Variants in DCC observed in about 807,000 individuals in gnomAD.
DCC encodes the protein DCC netrin 1 receptor.
Under a neutral mutation model 172.5 loss-of-function variants are expected in DCC, and 58 were observed. That is an observed-to-expected ratio of 0.34 (90% CI 0.27 to 0.42). The LOEUF (loss-of-function observed/expected upper bound fraction) is 0.42. DCC is among the 10% of genes least tolerant of loss of function. DCC has a pLI of 1.00. For synonymous variants in DCC, 709 were observed against 644.5 expected (o/e 1.10, Z -1.52); for missense variants, 1,740 against 1,791.0 (o/e 0.97, Z 0.51).
chr18:53,161,345 C>G (rs948627631), intron 8 of DCC, among the ~76,000 whole-genome samples: 2 of 152,190 alleles, frequency 1.3e-5, no homozygotes, highest in Non-Finnish European at 2.9e-5. Context: ...TTCGGTGAAA[C>G]TCATTCACTC....
intron 1 of DCC, among the ~76,000 whole-genome samples, chr18:52,487,267 C>T (rs2030272211): frequency 6.6e-6 from 1 of 152,032 alleles, no homozygotes. Flanking sequence ...ACCTCATTAT[C>T]GTAAAACACA....
intron 15 of DCC, among the ~76,000 whole-genome samples, chr18:53,355,076 G>A (rs2057862585): frequency 6.6e-6 from 1 of 152,094 alleles, no homozygotes; most frequent in African/African-American, 2.4e-5. Flanking sequence ...TCTAAGATCA[G>A]ATGGTTGTAG....
chr18:53,030,767 C>T (rs1277785462), intron 5 of DCC, among the ~76,000 whole-genome samples: 1 of 152,162 alleles, frequency 6.6e-6, no homozygotes, highest in Non-Finnish European at 1.5e-5. Flanking sequence ...TGCATTCCCT[C>T]ACTTCACTGG....
chr18:53,391,999 T>C (rs1055790293), intron 17 of DCC, 112 bp downstream of exon 17: 6 of 708,362 alleles, frequency 8.5e-6, no homozygotes, highest in African/African-American at 7.0e-5. Context: ...TGTATCTATG[T>C]AGAAAAACAA....
At chr18:52,796,938 T>C (rs2037887441) in intron 2 of DCC, among the ~76,000 whole-genome samples, 1 of 152,164 alleles carries the variant, frequency 6.6e-6, no homozygotes, top group African/African-American at 2.4e-5. Context: ...CTTTGGGAAA[T>C]TCCAGAATTC....
chr18:52,487,624 A>G (rs1007468470), intron 1 of DCC, among the ~76,000 whole-genome samples: 2 of 152,024 alleles, frequency 1.3e-5, no homozygotes, highest in African/African-American at 2.4e-5. Context: ...TAGCCTGGCC[A>G]ACATGGTGAA....
At chr18:52,551,626 G>A (rs2032772188) in intron 1 of DCC, among the ~76,000 whole-genome samples, 2 of 151,774 alleles carry the variant, frequency 1.3e-5, no homozygotes, top group South Asian at 4.2e-4. Flanking sequence ...TTTACAAGCA[G>A]GCTTTGAATA....
chr18:52,965,753 A>G (rs1027078004), intron 5 of DCC, among the ~76,000 whole-genome samples: 2 of 152,164 alleles, frequency 1.3e-5, no homozygotes, highest in Non-Finnish European at 2.9e-5. Flanking sequence ...TAAGTAATTT[A>G]TATTTGTGGT....
At position 53,305,599 on chromosome 18, in the gene DCC, C is replaced by T. The variant is rs527722963; in HGVS notation, c.1933C>T (p.Pro645Ser). Reference protein sequence around the residue: ...NSRSIKVSWLPPPSGTQNGFI... With the variant: ...NSRSIKVSWLSPPSGTQNGFI... ...ACAGAGTATCAAAGTTAGCTGGCTG[C>T]CTCCTCCATCAGGAACACAAAATGG... The change falls in exon 13 of 29, where the codon CCT (proline) becomes TCT (serine). Residue 645 changes from proline (P) to serine (S), a missense_variant. Coordinates refer to ENST00000442544, the MANE Select transcript of DCC (RefSeq NM_005215.4). The T allele has an allele frequency of 9.7e-5, 157 of 1,612,732 alleles. 1 individual carries two copies. In the South Asian group the frequency reaches 1.6e-3, roughly 17 times the overall value.
intron 21 of DCC, among the ~76,000 whole-genome samples, chr18:53,417,524 A>G (rs1032172334): frequency 5.9e-5 from 9 of 152,344 alleles, no homozygotes; most frequent in African/African-American, 1.7e-4. Context: ...AGTCTTGGTC[A>G]AATCCAAATC....
chr18:53,377,352 TGAGAGAGAGAGAGA>T (rs59629030), intron 15 of DCC, among the ~76,000 whole-genome samples: 29 of 137,294 alleles, frequency 2.1e-4, no homozygotes, highest in East Asian at 6.9e-4. Flanking sequence ...AAGATGCATT[TGAGAGAGAGAGAGA>T]GAGAGAGAGA....
At chr18:52,561,125 C>T (rs997651123) in intron 1 of DCC, among the ~76,000 whole-genome samples, 3 of 151,608 alleles carry the variant, frequency 2.0e-5, no homozygotes, top group Non-Finnish European at 2.9e-5. Flanking sequence ...CTTTATTGCC[C>T]ATAAAAGTGA....
chr18:52,439,174 T>TG (rs1987893263), intron 1 of DCC, among the ~76,000 whole-genome samples: 2 of 144,852 alleles, frequency 1.4e-5, no homozygotes, highest in South Asian at 2.3e-4. Context: ...AAGATATGTT[T>TG]TGTGTGTGTG....
At chr18:53,516,003 G>A (rs2046329513) in intron 27 of DCC, among the ~76,000 whole-genome samples, 1 of 148,788 alleles carries the variant, frequency 6.7e-6, no homozygotes, top group Non-Finnish European at 1.5e-5. Context: ...TCAATCCTAA[G>A]CCAAAAGAAC....
intron 1 of DCC, among the ~76,000 whole-genome samples, chr18:52,610,382 C>CAAAAAAAAAAAA (rs55715009): frequency 7.2e-4 from 36 of 49,922 alleles, no homozygotes; most frequent in East Asian, 3.0e-3. Context: ...TCTGTCTCAA[C>CAAAAAAAAAAAA]AAAAAAAAAA....
At chr18:52,781,817 G>C (rs2037549673) in intron 2 of DCC, among the ~76,000 whole-genome samples, 1 of 151,754 alleles carries the variant, frequency 6.6e-6, no homozygotes, top group Non-Finnish European at 1.5e-5. Flanking sequence ...CTCATCAATT[G>C]GATGTTATAC....
At chr18:53,431,088 A>C (rs1192175963) in intron 21 of DCC, among the ~76,000 whole-genome samples, 2 of 152,090 alleles carry the variant, frequency 1.3e-5, no homozygotes, top group African/African-American at 4.8e-5. Flanking sequence ...TACCTAAATA[A>C]AATATATTTA....
intron 1 of DCC, among the ~76,000 whole-genome samples, chr18:52,590,626 A>C (rs533746160): frequency 2.0e-5 from 3 of 152,300 alleles, no homozygotes; most frequent in Admixed American, 2.0e-4. Flanking sequence ...GATTCTTGGC[A>C]CATTTAAGAA....
intron 2 of DCC, among the ~76,000 whole-genome samples, chr18:52,815,074 G>A (rs2038268591): frequency 6.6e-6 from 1 of 152,116 alleles, no homozygotes. Flanking sequence ...TGGGCTGGGG[G>A]TATCTATTGT....
Sources: allele counts gnomAD v4.1 joint callset (sites outside exome capture counted in the v4.1 genomes callset), GRCh38; gene constraint gnomAD v4.1.1; transcripts MANE v1.5; gene names NCBI Gene and HGNC (gene_info 2026-07-23, HGNC 2026-07-21).